The following SUGCT variants were observed in gnomAD, a reference collection of about 807,000 sequenced individuals.
SUGCT encodes succinyl-CoA:glutarate-CoA transferase, also known as succinyl-CoA:glutarate CoA-transferase.
SUGCT carries 41 observed loss-of-function variants against 55.0 expected under a neutral mutation model. The observed-to-expected ratio is 0.74, with a 90% confidence interval of 0.58 to 0.97. The LOEUF is 0.97. Among genes scored for constraint, SUGCT ranks in the 50% least tolerant of loss-of-function variants. The pLI is 0.00. For synonymous variants in SUGCT, 187 were observed against 200.4 expected, an observed-to-expected ratio of 0.93 and a Z score of 0.56; for missense variants, 568 against 547.8, an observed-to-expected ratio of 1.04 and a Z score of -0.37.
intron 9 of SUGCT, among the ~76,000 whole-genome samples, chr7:40,351,990 A>G (rs1458671238): frequency 6.6e-6 from 1 of 152,218 alleles, no homozygotes; most frequent in African/African-American, 2.4e-5. Flanking sequence ...GGGCATTAAG[A>G]GTTTTGAAGA....
At chr7:40,219,845 C>G (rs1433752426) in intron 6 of SUGCT, among the ~76,000 whole-genome samples, 5 of 152,070 alleles carry the variant, frequency 3.3e-5, no homozygotes, top group Admixed American at 3.3e-4. Flanking sequence ...ATCTTTTGAT[C>G]CAACTTTTTT....
intron 8 of SUGCT, among the ~76,000 whole-genome samples, chr7:40,304,924 A>G (rs916715828): frequency 6.6e-6 from 1 of 152,166 alleles, no homozygotes. Flanking sequence ...TAAAACCCCA[A>G]GCCAATTCTG....
chr7:40,919,899 A>G, the SUGCT span, among the ~76,000 whole-genome samples: 30 of 152,146 alleles, frequency 2.0e-4, no homozygotes, highest in Non-Finnish European at 4.1e-4. Flanking sequence ...AGCTCCTTTA[A>G]CAGCCCTTCT....
At chr7:40,245,457 TGAG>T (rs1789803864) in intron 7 of SUGCT, among the ~76,000 whole-genome samples, 1 of 113,968 alleles carries the variant, frequency 8.8e-6, no homozygotes, top group African/African-American at 4.0e-5. Flanking sequence ...TTTTTTTTTT[TGAG>T]ATGGAGTCTC....
chr7:40,472,565 A>G (rs1790455259), intron 11 of SUGCT, among the ~76,000 whole-genome samples: 1 of 152,116 alleles, frequency 6.6e-6, no homozygotes, highest in Admixed American at 6.6e-5. Flanking sequence ...TTTAATGTGA[A>G]CATCTCAGTA....
At chr7:40,242,933 ATTTTTTT>A (rs70996894) in intron 7 of SUGCT, among the ~76,000 whole-genome samples, 187 of 17,042 alleles carry the variant, frequency 0.011, no homozygotes, top group African/African-American at 0.025. Context: ...ATATATATAT[ATTTTTTT>A]TTTTTTTTTT....
intron 8 of SUGCT, among the ~76,000 whole-genome samples, chr7:40,295,273 A>T (rs934858810): frequency 1.3e-5 from 2 of 152,140 alleles, no homozygotes; most frequent in Non-Finnish European, 2.9e-5. Context: ...TAGAAAAAAA[A>T]TTACATTTAA....
rs187367057 is a variant in SUGCT at position 40,517,901 on chromosome 7, T to A, written c.1089+21515T>A. Reference sequence around the variant, plus strand: ...ATGAAAGAAGCCAGCCACAAAAGGATGCATATTATATAATTCCAATTATAC... The same window carrying A: ...ATGAAAGAAGCCAGCCACAAAAGGAAGCATATTATATAATTCCAATTATAC... On this transcript the variant is annotated intron_variant, in intron 12 of 13. Transcript: ENST00000335693. Among the ~76,000 whole-genome samples, 6 of 152,190 alleles carry A rather than the reference T, an allele frequency of 3.9e-5. No homozygotes were observed. The South Asian group carries it at 1.0e-3, about 26-fold the overall frequency.
intron 8 of SUGCT, among the ~76,000 whole-genome samples, chr7:40,297,209 C>T (rs1794214823): frequency 6.6e-6 from 1 of 152,132 alleles, no homozygotes; most frequent in Non-Finnish European, 1.5e-5. Flanking sequence ...CATGCATGTC[C>T]TGCCCTAGGA....
chr7:40,366,046 G>C (rs1005707532), intron 9 of SUGCT, among the ~76,000 whole-genome samples: 2 of 152,144 alleles, frequency 1.3e-5, no homozygotes, highest in Admixed American at 1.3e-4. Flanking sequence ...AAACAGCATG[G>C]TACTGGTACC....
chr7:40,630,356 C>T (rs781611427), intron 12 of SUGCT, among the ~76,000 whole-genome samples: 1 of 152,184 alleles, frequency 6.6e-6, no homozygotes, highest in Non-Finnish European at 1.5e-5. Flanking sequence ...TCATCCATGG[C>T]TTGATTAGTT....
intron 12 of SUGCT, among the ~76,000 whole-genome samples, chr7:40,641,102 C>A (rs1800251174): frequency 6.6e-6 from 1 of 152,208 alleles, no homozygotes; most frequent in African/African-American, 2.4e-5. Context: ...CACAAGTGGG[C>A]AGAGTCTGAG....
intron 12 of SUGCT, among the ~76,000 whole-genome samples, chr7:40,547,833 G>A (rs956375420): frequency 2.0e-5 from 3 of 152,014 alleles, no homozygotes; most frequent in African/African-American, 4.8e-5. Context: ...TCATTTTGGT[G>A]TATTTGCTTT....
chr7:40,611,613 ATAG>A (rs1314752313), intron 12 of SUGCT, among the ~76,000 whole-genome samples: 7 of 152,200 alleles, frequency 4.6e-5, no homozygotes, highest in Admixed American at 2.0e-4. Flanking sequence ...GTAAAATTGC[ATAG>A]TAGTGGTAGT....
At chr7:41,028,943 G>T in the SUGCT span, among the ~76,000 whole-genome samples, 1 of 152,158 alleles carries the variant, frequency 6.6e-6, no homozygotes, top group African/African-American at 2.4e-5. Context: ...GTGTTAATTG[G>T]AATTCTCTCT....
At chr7:41,032,253 T>C in the SUGCT span, among the ~76,000 whole-genome samples, 1 of 152,138 alleles carries the variant, frequency 6.6e-6, no homozygotes, top group Admixed American at 6.5e-5. Context: ...CCCATGTGCA[T>C]CTTTTTCCTT....
chr7:40,186,081 C>T (rs1785485669), intron 3 of SUGCT, among the ~76,000 whole-genome samples: 1 of 138,552 alleles, frequency 7.2e-6, no homozygotes. Context: ...TTCTTTCTTT[C>T]TCTCTTTTTC....
intron 13 of SUGCT, among the ~76,000 whole-genome samples, chr7:40,803,191 C>T (rs2128751850): frequency 6.6e-6 from 1 of 152,200 alleles, no homozygotes; most frequent in East Asian, 1.9e-4. Flanking sequence ...ACTAAATTTT[C>T]CCTCTTGTCT....
downstream of SUGCT, among the ~76,000 whole-genome samples, chr7:40,865,006 C>A (rs916426836): frequency 3.3e-5 from 5 of 152,116 alleles, no homozygotes; most frequent in African/African-American, 1.2e-4. Context: ...CCTCCCCGCT[C>A]TTCCATTTTC....
Sources: allele counts gnomAD v4.1 joint callset (sites outside exome capture counted in the v4.1 genomes callset), GRCh38; gene constraint gnomAD v4.1.1; transcripts MANE v1.5; gene names NCBI Gene and HGNC (gene_info 2026-07-23, HGNC 2026-07-21).